Variants in NUGGC observed in about 807,000 individuals in gnomAD.
The protein encoded by NUGGC is nuclear GTPase, germinal center associated.
In NUGGC, 58 loss-of-function variants were observed where a neutral mutation model predicts 92.6. The ratio of observed to expected loss-of-function variants is 0.63; its 90% CI spans 0.51 to 0.78. NUGGC has a LOEUF of 0.78. Among genes scored for constraint, NUGGC ranks in the 30% least tolerant of loss-of-function variants. NUGGC has a pLI of 0.00. For missense variants in NUGGC, 925 were observed against 964.6 expected, an observed-to-expected ratio of 0.96 and a Z score of 0.54; for synonymous variants, 376 against 366.4, an observed-to-expected ratio of 1.03 and a Z score of -0.30.
intron 10 of NUGGC, among the ~76,000 whole-genome samples, chr8:28,048,904 A>C (rs1809915715): frequency 6.6e-6 from 1 of 150,620 alleles, no homozygotes; most frequent in African/African-American, 2.4e-5. Flanking sequence ...GAATTATTTG[A>C]GGGAGTCTTT....
intron 2 of NUGGC, among the ~76,000 whole-genome samples, chr8:28,073,149 TCAC>T (rs749677442): frequency 1.4e-4 from 21 of 149,474 alleles, no homozygotes; most frequent in Non-Finnish European, 2.8e-4. Context: ...CTACAGGCAC[TCAC>T]CACCACGCCT....
chr8:28,025,235 GTCT>G, intron 18 of NUGGC, among the ~76,000 whole-genome samples: 1 of 152,298 alleles, frequency 6.6e-6, no homozygotes, highest in East Asian at 1.9e-4. Flanking sequence ...TACACATCTT[GTCT>G]TACCAACCAG....
chr8:28,064,517 G>T lies in NUGGC; in HGVS notation c.921+5C>A, dbSNP rs765182181. Reference sequence around the variant, plus strand: ...GAGAGAACTAAACCTACGAAAGACAGTCACCTTTTTCCACATCTCGTCCCT... The same window carrying T: ...GAGAGAACTAAACCTACGAAAGACATTCACCTTTTTCCACATCTCGTCCCT... On this transcript the variant is annotated splice_donor_5th_base_variant and intron_variant, in intron 7 of 18. Coordinates refer to ENST00000413272, the MANE Select transcript of NUGGC (RefSeq NM_001010906.2). The T allele has an allele frequency of 1.2e-6, 2 of 1,613,378 alleles. No homozygotes were observed. Among genetic ancestry groups the T allele is most frequent in the Non-Finnish European group, 1.7e-6 (2 of 1,179,324 alleles).
At chr8:28,077,209 A>G (rs1810743751) in intron 1 of NUGGC, among the ~76,000 whole-genome samples, 1 of 152,124 alleles carries the variant, frequency 6.6e-6, no homozygotes, top group Non-Finnish European at 1.5e-5. Context: ...GGTGAGCTAC[A>G]AGAAAAAAAA....
chr8:28,081,895 TCTTTG>T (rs1810860125), intron 1 of NUGGC, among the ~76,000 whole-genome samples: 1 of 149,702 alleles, frequency 6.7e-6, no homozygotes, highest in Non-Finnish European at 1.5e-5. Context: ...AAAAAAACAA[TCTTTG>T]GTCAAGTTTT....
At chr8:28,027,927 C>G (rs1456785885) in intron 17 of NUGGC, among the ~76,000 whole-genome samples, 1 of 152,180 alleles carries the variant, frequency 6.6e-6, no homozygotes, top group Non-Finnish European at 1.5e-5. Flanking sequence ...CTATTCCATT[C>G]TTTAATTTAC....
chr8:28,027,840 C>T (rs1422611072), intron 17 of NUGGC, among the ~76,000 whole-genome samples: 6 of 152,092 alleles, frequency 3.9e-5, no homozygotes, highest in Non-Finnish European at 2.9e-5. Context: ...AGTCACCTCA[C>T]GCTAGAGTGA....
chr8:28,023,948 C>T (rs1377054923), intron 18 of NUGGC, among the ~76,000 whole-genome samples: 1 of 152,150 alleles, frequency 6.6e-6, no homozygotes, highest in Non-Finnish European at 1.5e-5. Flanking sequence ...GCCCAGAAAC[C>T]GGATTAAACG....
Position 28,023,034 on chromosome 8 carries a change from C to T in NUGGC, c.*283G>A. On this transcript the variant is annotated 3_prime_UTR_variant, in exon 19 of 19. Coordinates refer to ENST00000413272, the MANE Select transcript of NUGGC (RefSeq NM_001010906.2). Reference sequence around the variant, plus strand: ...GCAGTGAGCCGAGATTGCACCACTGCATTCCAGCCTGGGTGACACAGCGAG... The same window carrying T: ...GCAGTGAGCCGAGATTGCACCACTGTATTCCAGCCTGGGTGACACAGCGAG... The T allele has an allele frequency of 4.2e-6, 1 of 238,744 alleles. No individual in the cohort carries two copies. The highest frequency in any genetic ancestry group is 7.9e-6 in the Non-Finnish European group (1 of 126,710). 14.8% of individuals were successfully genotyped at this position (238,744 alleles called of 1,614,324 possible).
At position 28,067,606 on chromosome 8, in the gene NUGGC, C is replaced by T. The variant is rs1201271818; in HGVS notation, c.619G>A (p.Gly207Arg). The T allele has an allele frequency of 1.2e-6, 2 of 1,613,998 alleles. No homozygotes were observed. The highest frequency in any genetic ancestry group is 3.3e-5 in the Admixed American group (2 of 60,024). Residue 207 changes from glycine to arginine, a missense_variant, in exon 6 of 19, where the codon GGG becomes AGG. Coordinates refer to ENST00000413272, the MANE Select transcript of NUGGC (RefSeq NM_001010906.2). ...TCCTCATAGTTCTTACTCTCTGCCC[C>T]ATTTCCATAAATCATTTGTAGCTTC... is the stretch of plus-strand genomic sequence containing the variant. Reference protein sequence around the residue: ...TWKLQMIYGNGAESKNYEELL... With the variant: ...TWKLQMIYGNRAESKNYEELL...
At chr8:28,042,634 G>A (rs533396336) in intron 12 of NUGGC, among the ~76,000 whole-genome samples, 23 of 152,090 alleles carry the variant, frequency 1.5e-4, no homozygotes, top group Non-Finnish European at 3.1e-4. Flanking sequence ...GCCTCCTGCC[G>A]TATGACATCT....
chr8:28,057,888 T>C (rs1476620595), intron 9 of NUGGC, among the ~76,000 whole-genome samples: 2 of 152,084 alleles, frequency 1.3e-5, no homozygotes, highest in Non-Finnish European at 2.9e-5. Context: ...ATAAAAAGTA[T>C]TATTTAAAAA....
intron 14 of NUGGC, among the ~76,000 whole-genome samples, 189 bp from the exon 15 acceptor site, chr8:28,031,570 C>T (rs1018179375): frequency 6.6e-6 from 1 of 152,156 alleles, no homozygotes; most frequent in Admixed American, 6.5e-5. Flanking sequence ...CTATGAAGTT[C>T]GTGAGATAAT....
intron 14 of NUGGC, 90 bp downstream of exon 14, chr8:28,033,450 A>G: frequency 8.0e-7 from 1 of 1,251,784 alleles, no homozygotes; most frequent in Middle Eastern, 1.9e-4. Flanking sequence ...TACTCTTTAC[A>G]CTTACAGATC....
intron 16 of NUGGC, 44 bp from the exon 17 acceptor site, chr8:28,029,446 C>T (rs2130073227): frequency 6.2e-7 from 1 of 1,602,952 alleles, no homozygotes. Context: ...CAAGGACCTG[C>T]TTAGAAATCT....
intron 1 of NUGGC, among the ~76,000 whole-genome samples, chr8:28,079,398 G>A (rs967340980): frequency 2.6e-5 from 4 of 152,112 alleles, no homozygotes; most frequent in South Asian, 2.1e-4. Context: ...AAATTAGCCC[G>A]GTGTGGTGGC....
chr8:28,024,074 A>G (rs1004141507), intron 18 of NUGGC, among the ~76,000 whole-genome samples: 3 of 152,044 alleles, frequency 2.0e-5, no homozygotes, highest in East Asian at 3.9e-4. Flanking sequence ...CCAAGTCTGC[A>G]GTACAATGGC....
In NUGGC at chr8:28,042,199, G is replaced by A. The variant is rs1435102584; in HGVS notation, c.1447-984C>T. Among the ~76,000 whole-genome samples the A allele has an allele frequency of 3.3e-5, 5 of 152,106 alleles. No individual in the cohort carries two copies. In the East Asian group the frequency reaches 7.7e-4, roughly 23 times the overall value. On this transcript the variant is annotated intron_variant, in intron 12 of 18. Coordinates refer to ENST00000413272, the MANE Select transcript of NUGGC (RefSeq NM_001010906.2). ...TTTTCTCTATAAATTACCCAGTCTC[G>A]GGTATGTCTTTATCAGCAGCATGAA... is the stretch of plus-strand genomic sequence containing the variant.
chr8:28,071,834 G>A (rs568303391), intron 2 of NUGGC, among the ~76,000 whole-genome samples: 42 of 152,246 alleles, frequency 2.8e-4, no homozygotes, highest in Middle Eastern at 3.4e-3. Flanking sequence ...GCCATGAGGT[G>A]AACCAAAAGA....
Sources: gnomAD v4.1 joint callset for allele counts (sites outside exome capture counted in the v4.1 genomes callset) on GRCh38, gnomAD v4.1.1 for gene constraint, MANE v1.5 for transcripts, NCBI Gene and HGNC (gene_info 2026-07-23, HGNC 2026-07-21) for gene names.